Variants in PTPRZ1 observed in about 807,000 individuals in gnomAD.
The protein encoded by PTPRZ1 is protein tyrosine phosphatase receptor type Z1.
In PTPRZ1, 82 loss-of-function variants were observed where a neutral mutation model predicts 214.1. The ratio of observed to expected loss-of-function variants is 0.38; its 90% CI spans 0.32 to 0.46. The LOEUF is 0.46. PTPRZ1 is among the 20% of genes least tolerant of loss of function. The probability of loss-of-function intolerance (pLI) is 1.00; values close to 1 mark genes in which losing one functional copy is unlikely to be tolerated. For synonymous variants in PTPRZ1, 945 were observed against 987.9 expected (o/e 0.96, Z 0.81); for missense variants, 2,603 against 2,748.7 (o/e 0.95, Z 1.19).
intron 1 of PTPRZ1, among the ~76,000 whole-genome samples, chr7:121,900,286 G>A (rs1322185164): frequency 2.0e-5 from 3 of 152,172 alleles, no homozygotes; most frequent in African/African-American, 7.2e-5. Context: ...CTCAACCCAG[G>A]AGAGGCCGCT....
At chr7:121,899,869 C>T (rs1454781304) in intron 1 of PTPRZ1, among the ~76,000 whole-genome samples, 1 of 152,148 alleles carries the variant, frequency 6.6e-6, no homozygotes, top group East Asian at 1.9e-4. Flanking sequence ...CAGGGAAACT[C>T]TAGCAATAGT....
intron 1 of PTPRZ1, among the ~76,000 whole-genome samples, chr7:121,896,712 G>A (rs1794794273): frequency 6.6e-6 from 1 of 151,832 alleles, no homozygotes; most frequent in Non-Finnish European, 1.5e-5. Flanking sequence ...GGCGGAGCTT[G>A]CAATGAGCCA....
chr7:122,059,500 TC>T (rs1447620835), intron 28 of PTPRZ1: 1 of 341,308 alleles, frequency 2.9e-6, no homozygotes, highest in African/African-American at 2.1e-5. Context: ...CCAACTCCTT[TC>T]ATAGTATACA....
intron 8 of PTPRZ1, among the ~76,000 whole-genome samples, chr7:121,994,424 A>G (rs1246518371): frequency 2.7e-5 from 4 of 150,442 alleles, no homozygotes; most frequent in Non-Finnish European, 4.4e-5. Context: ...CCTCCCGAGT[A>G]GCTGGGATTA....
intron 27 of PTPRZ1, among the ~76,000 whole-genome samples, chr7:122,057,868 C>T (rs947178062): frequency 2.6e-5 from 4 of 151,268 alleles, no homozygotes; most frequent in African/African-American, 4.9e-5. Flanking sequence ...GACAAGGGTT[C>T]GGTTTCATTA....
intron 2 of PTPRZ1, among the ~76,000 whole-genome samples, chr7:121,955,312 A>G (rs552127323): frequency 5.9e-5 from 9 of 152,206 alleles, no homozygotes; most frequent in Non-Finnish European, 1.2e-4. Flanking sequence ...GTTATTGAAG[A>G]AGGGGGAAAG....
intron 8 of PTPRZ1, among the ~76,000 whole-genome samples, chr7:121,990,975 G>T (rs967593929): frequency 1.3e-5 from 2 of 152,128 alleles, no homozygotes; most frequent in African/African-American, 2.4e-5. Flanking sequence ...CACCTTACAA[G>T]GTTTTTCTGC....
Position 122,019,266 on chromosome 7 carries a change from G to T in PTPRZ1, c.4986G>T (p.Trp1662Cys). ...TTCTTGTGGGTATTCTCATCTACTG[G>T]AGGTAAGTTGAGTATTTGTTTTGGA... ...LVVLVGILIY[W>C]RKCFQTAHFY... The change falls in exon 13 of 30, where the codon TGG becomes TGT. Residue 1662 changes from tryptophan (W) to cysteine (C), a missense_variant and splice_region_variant. Trp to Cys is a radical substitution (Grantham distance 215). Transcript: ENST00000393386. 1 of 1,608,786 alleles carries T rather than the reference G, an allele frequency of 6.2e-7. No homozygotes were observed. Among genetic ancestry groups the T allele is most frequent in the South Asian group, 1.1e-5 (1 of 90,136 alleles).
chr7:121,879,147 T>A (rs1010670551), intron 1 of PTPRZ1, among the ~76,000 whole-genome samples: 2 of 152,212 alleles, frequency 1.3e-5, no homozygotes, highest in African/African-American at 4.8e-5. Flanking sequence ...CCAGACACTA[T>A]CTGTGCATGG....
At chr7:121,880,322 G>A (rs1485778243) in intron 1 of PTPRZ1, among the ~76,000 whole-genome samples, 1 of 152,052 alleles carries the variant, frequency 6.6e-6, no homozygotes, top group Non-Finnish European at 1.5e-5. Context: ...TTGGGTACTT[G>A]GAAATAATTT....
rs763414004 is a variant in PTPRZ1, at chr7:121,976,258, T to C, written c.542T>C (p.Ile181Thr). 5.6e-6 allele frequency: 9 copies of C among 1,601,030 alleles called. No homozygotes were observed. Among genetic ancestry groups the C allele is most frequent in the African/African-American group, 1.3e-5 (1 of 74,878 alleles). Residue 181 changes from isoleucine to threonine, a missense_variant, in exon 5 of 30, where the codon ATT becomes ACT. Physicochemically the swap from Ile to Thr is moderately conservative, Grantham distance 89 (BLOSUM62 -1). Transcript: ENST00000393386. ...KGKGKLRALS[I>T]LFEVGTEENL... ...AAAGGGAAGTTAAGAGCTTTATCCA[T>C]TTTGTTTGAGGTAATATATATACAC...
At chr7:121,907,924 G>T (rs1795164586) in intron 1 of PTPRZ1, among the ~76,000 whole-genome samples, 1 of 152,000 alleles carries the variant, frequency 6.6e-6, no homozygotes, top group Admixed American at 6.6e-5. Context: ...TATGCTCTTA[G>T]CTTAAACTGA....
chr7:122,034,248 T>C, intron 16 of PTPRZ1, 34 bp from the exon 17 acceptor site: 2 of 1,590,020 alleles, frequency 1.3e-6, no homozygotes, highest in Non-Finnish European at 1.7e-6. Flanking sequence ...TGAAAGAATG[T>C]GTGTTAAAAT....
In PTPRZ1 at chr7:122,039,601, A is replaced by T. The variant is rs765766712; in HGVS notation, c.5637+13A>T. ...AAAAATAAAAAAGGTGAGTCAACAA[A>T]ATGATGGGCATAATCAAGTGAACAA... On this transcript the variant is annotated intron_variant, in intron 20 of 29. Coordinates refer to ENST00000393386, the MANE Select transcript of PTPRZ1 (RefSeq NM_002851.3). 5.6e-6 allele frequency: 9 copies of T among 1,612,128 alleles called. No homozygotes were observed. In the African/African-American group the frequency reaches 1.2e-4, roughly 22 times the overall value.
intron 1 of PTPRZ1, among the ~76,000 whole-genome samples, chr7:121,910,354 A>T (rs1795234684): frequency 6.6e-6 from 1 of 152,148 alleles, no homozygotes; most frequent in African/African-American, 2.4e-5. Flanking sequence ...ACCTTCTTAA[A>T]TACTGCATGA....
At chr7:121,945,446 A>C (rs1009077182) in intron 2 of PTPRZ1, among the ~76,000 whole-genome samples, 2 of 152,178 alleles carry the variant, frequency 1.3e-5, no homozygotes, top group Non-Finnish European at 2.9e-5. Context: ...GTCTTTTTTT[A>C]AGTAGGTAAT....
At chr7:121,997,378 C>T (rs1413916509) in intron 9 of PTPRZ1, among the ~76,000 whole-genome samples, 1 of 151,934 alleles carries the variant, frequency 6.6e-6, no homozygotes, top group Non-Finnish European at 1.5e-5. Flanking sequence ...AATTCAGTTG[C>T]CTGGAATATG....
chr7:121,951,670 G>A (rs1796544979), intron 2 of PTPRZ1, among the ~76,000 whole-genome samples: 2 of 152,130 alleles, frequency 1.3e-5, no homozygotes. Flanking sequence ...AAGCCAGCCT[G>A]CCTCTTCATC....
At chr7:122,005,665 C>A (rs560427200) in intron 11 of PTPRZ1, among the ~76,000 whole-genome samples, 2 of 152,008 alleles carry the variant, frequency 1.3e-5, no homozygotes, top group East Asian at 3.9e-4. Context: ...TATATACACA[C>A]ACATACAAGC....
Sources: allele counts gnomAD v4.1 joint callset (sites outside exome capture counted in the v4.1 genomes callset), GRCh38; gene constraint gnomAD v4.1.1; transcripts MANE v1.5; gene names NCBI Gene and HGNC (gene_info 2026-07-23, HGNC 2026-07-21).